Variants in ADAMTSL1 observed in about 807,000 individuals in gnomAD.
The protein encoded by ADAMTSL1 is ADAMTS like 1.
A neutral mutation model predicts 201.8 loss-of-function variants in ADAMTSL1; 126 were observed. The observed-to-expected ratio is 0.62, with a 90% CI of 0.54 to 0.72. The LOEUF is 0.72. Ranked by LOEUF, ADAMTSL1 falls within the 30% of genes least tolerant of loss-of-function variation. The pLI is 0.00. For synonymous variants in ADAMTSL1, 1,121 were observed against 903.4 expected (o/e 1.24, Z -4.32); for missense variants, 2,679 against 2,277.8 (o/e 1.18, Z -3.59).
intron 2 of ADAMTSL1, among the ~76,000 whole-genome samples, chr9:18,356,638 A>AC (rs1836253872): frequency 7.3e-6 from 1 of 136,808 alleles, no homozygotes; most frequent in Non-Finnish European, 1.6e-5. Context: ...CACACACACA[A>AC]CTTTCCTACT....
At chr9:18,332,886 T>G (rs1028904477) in intron 2 of ADAMTSL1, among the ~76,000 whole-genome samples, 6 of 152,158 alleles carry the variant, frequency 3.9e-5, no homozygotes, top group African/African-American at 1.2e-4. Context: ...ATCCCAACTC[T>G]GGCACTTATG....
chr9:18,451,787 C>T (rs766095489), intron 2 of ADAMTSL1, among the ~76,000 whole-genome samples: 2 of 152,212 alleles, frequency 1.3e-5, no homozygotes, highest in Non-Finnish European at 2.9e-5. Flanking sequence ...AGATTTATTT[C>T]TTACAGTTCT....
At chr9:18,703,426 C>A (rs986015421) in intron 13 of ADAMTSL1, among the ~76,000 whole-genome samples, 1 of 151,998 alleles carries the variant, frequency 6.6e-6, no homozygotes, top group Non-Finnish European at 1.5e-5. Context: ...TAATCTCCTG[C>A]CTTCAACAAA....
chr9:18,257,243 T>C (rs1236277990), intron 2 of ADAMTSL1, among the ~76,000 whole-genome samples: 1 of 152,210 alleles, frequency 6.6e-6, no homozygotes, highest in Admixed American at 6.5e-5. Context: ...AAAAGTTATT[T>C]TGTAATTTTC....
At chr9:17,908,807 A>G (rs1825822432) in intron 1 of ADAMTSL1, among the ~76,000 whole-genome samples, 1 of 152,158 alleles carries the variant, frequency 6.6e-6, no homozygotes, top group Admixed American at 6.5e-5. Flanking sequence ...TTATAGCAGC[A>G]TGATTTATAG....
intron 2 of ADAMTSL1, among the ~76,000 whole-genome samples, chr9:18,414,923 A>G (rs1818607947): frequency 6.6e-6 from 1 of 152,170 alleles, no homozygotes; most frequent in East Asian, 1.9e-4. Flanking sequence ...CACAAACCAA[A>G]CTGGAAAACA....
intron 25 of ADAMTSL1, chr9:18,890,501 C>G (rs1374653255): frequency 2.2e-6 from 1 of 455,854 alleles, no homozygotes; most frequent in Non-Finnish European, 4.4e-6. Flanking sequence ...CCTTTACTAC[C>G]TATCTGTAGG....
intron 2 of ADAMTSL1, among the ~76,000 whole-genome samples, chr9:18,173,438 A>T (rs1476179439): frequency 6.6e-6 from 1 of 152,114 alleles, no homozygotes; most frequent in East Asian, 1.9e-4. Context: ...ACTGAAGGAG[A>T]GGGACTCTTT....
Position 18,294,737 on chromosome 9 carries a change from A to G in ADAMTSL1, c.207+130756A>G, listed in dbSNP as rs1458901688. On this transcript the variant is annotated intron_variant, in intron 2 of 29. Coordinates refer to the ADAMTSL1 transcript ENST00000680146. ...CTTCTCTCATACCCCCAAGTTCTTC[A>G]TTTTGAAGAATTTTTCAGAATAAAG... Among the ~76,000 whole-genome samples, 5 of 152,218 alleles carry G rather than the reference A, an allele frequency of 3.3e-5. No individual in the cohort carries two copies. In the East Asian group the frequency reaches 9.7e-4, roughly 29 times the overall value.
intron 1 of ADAMTSL1, among the ~76,000 whole-genome samples, chr9:18,043,881 C>A (rs1821542509): frequency 6.6e-6 from 1 of 151,188 alleles, no homozygotes; most frequent in South Asian, 2.1e-4. Context: ...TATTTAGTAA[C>A]CTGATGACTA....
At chr9:18,092,695 T>C (rs1421776203) in intron 1 of ADAMTSL1, among the ~76,000 whole-genome samples, 2 of 152,192 alleles carry the variant, frequency 1.3e-5, no homozygotes, top group East Asian at 3.8e-4. Flanking sequence ...CCCACAAAGA[T>C]AGTCTAGTCA....
intron 2 of ADAMTSL1, among the ~76,000 whole-genome samples, chr9:18,326,644 C>T (rs191898897): frequency 1.3e-5 from 2 of 152,132 alleles, no homozygotes; most frequent in South Asian, 2.1e-4. Flanking sequence ...TTAGCACATT[C>T]CTCTTGAGTA....
chr9:18,206,797 CT>C (rs1942835724), intron 2 of ADAMTSL1, among the ~76,000 whole-genome samples: 1 of 152,108 alleles, frequency 6.6e-6, no homozygotes, highest in Non-Finnish European at 1.5e-5. Flanking sequence ...GAGTTGATCC[CT>C]AAATTATCTA....
chr9:18,541,412 A>G (rs1327170838), intron 3 of ADAMTSL1, among the ~76,000 whole-genome samples: 1 of 152,080 alleles, frequency 6.6e-6, no homozygotes, highest in Non-Finnish European at 1.5e-5. Context: ...CGGGAGGCTG[A>G]AGCAGGAGAA....
chr9:18,500,949 CT>C (rs1256893136), intron 1 of ADAMTSL1, among the ~76,000 whole-genome samples: 1 of 152,146 alleles, frequency 6.6e-6, no homozygotes, highest in Non-Finnish European at 1.5e-5. Context: ...CTTTTGATCA[CT>C]ATGTTCAATA....
At chr9:18,245,808 C>G (rs1831240781) in intron 2 of ADAMTSL1, among the ~76,000 whole-genome samples, 1 of 151,844 alleles carries the variant, frequency 6.6e-6, no homozygotes, top group Non-Finnish European at 1.5e-5. Flanking sequence ...ATTTACCACT[C>G]TGAGTTTTTA....
At chr9:18,555,501 G>C (rs549215635) in intron 3 of ADAMTSL1, among the ~76,000 whole-genome samples, 35 of 152,056 alleles carry the variant, frequency 2.3e-4, no homozygotes, top group Middle Eastern at 3.4e-3. Context: ...TTCATTCCTT[G>C]ATGAATGTTA....
In ADAMTSL1 at chr9:18,475,778, C is replaced by G. The variant is rs187548074; in HGVS notation, c.63+1483C>G. On this transcript the variant is annotated intron_variant, in intron 1 of 28. Transcript: ENST00000380548. ...TTTTTTTAAGTGTGTGTTATTTTCC[C>G]ATTATATTGCATCATAAAGCAAATT... Among the ~76,000 whole-genome samples, 129 of 151,978 alleles carry G rather than the reference C, an allele frequency of 8.5e-4. 1 individual carries two copies. Among genetic ancestry groups the G allele is most frequent in the Admixed American group, 7.9e-3 (120 of 15,244 alleles).
rs141357133 is a variant in ADAMTSL1, at chr9:18,024,973, G to C, written c.87+118051G>C. Among the ~76,000 whole-genome samples the C allele has an allele frequency of 5.4e-3, 827 of 152,196 alleles. 10 individuals are homozygous for C. The highest frequency in any genetic ancestry group is 0.02 in the Middle Eastern group (6 of 294). Reference sequence around the variant, plus strand: ...CAATAGCCATTCTGACTGCTGTTAAGATGATATCTCTTTGTGGTTTTGATT... The same window carrying C: ...CAATAGCCATTCTGACTGCTGTTAACATGATATCTCTTTGTGGTTTTGATT... On this transcript the variant is annotated intron_variant, in intron 1 of 29. Transcript: ENST00000680146.
Sources: allele counts gnomAD v4.1 joint callset (sites outside exome capture counted in the v4.1 genomes callset), GRCh38; gene constraint gnomAD v4.1.1; transcripts MANE v1.5; gene names NCBI Gene and HGNC (gene_info 2026-07-23, HGNC 2026-07-21).